The following DYRK4 variants were observed in gnomAD, a reference collection of about 807,000 sequenced individuals.
DYRK4 encodes the protein dual specificity tyrosine-phosphorylation-regulated kinase 4.
In DYRK4, 64 loss-of-function variants were observed where a neutral mutation model predicts 68.3. That is an observed-to-expected ratio of 0.94 (90% CI 0.77 to 1.15). The LOEUF (loss-of-function observed/expected upper bound fraction) is 1.15. Ranked by LOEUF, DYRK4 falls within the 50% of genes most tolerant of loss-of-function variation. The pLI is 0.00. For missense variants in DYRK4, 740 were observed against 764.7 expected, an observed-to-expected ratio of 0.97 and a Z score of 0.38; for synonymous variants, 274 against 289.9, an observed-to-expected ratio of 0.95 and a Z score of 0.56.
At chr12:4,595,858 T>G (rs368835698) in intron 6 of DYRK4, among the ~76,000 whole-genome samples, 1 of 152,036 alleles carries the variant, frequency 6.6e-6, no homozygotes, top group East Asian at 1.9e-4. Context: ...ACTACAATAC[T>G]GGGACTAGAT....
At chr12:4,566,974 C>T (rs1433277141) in intron 1 of DYRK4, among the ~76,000 whole-genome samples, 1 of 152,156 alleles carries the variant, frequency 6.6e-6, no homozygotes, top group Non-Finnish European at 1.5e-5. Flanking sequence ...ACATGTTCTA[C>T]TGTTTTTGCT....
At chr12:4,596,923 A>T in intron 8 of DYRK4, 194 bp downstream of exon 8, 1 of 1,430,294 alleles carries the variant, frequency 7.0e-7, no homozygotes, top group East Asian at 2.6e-5. Context: ...TATGCCTGTC[A>T]CCTGCCAGCA....
intron 2 of DYRK4, among the ~76,000 whole-genome samples, chr12:4,584,219 G>C (rs149329030): frequency 6.6e-5 from 10 of 152,168 alleles, no homozygotes; most frequent in Non-Finnish European, 1.0e-4. Context: ...AGGTTTCTGG[G>C]CTCTACTGCT....
At position 4,591,582 on chromosome 12, in the gene DYRK4, C is replaced by T. The variant is rs1338514482; in HGVS notation, c.463+284C>T. 6.0e-5 allele frequency: 22 copies of T among 368,546 alleles called. No homozygotes were observed. In the Admixed American group the frequency reaches 8.9e-4, roughly 15 times the overall value. 22.8% of individuals were successfully genotyped at this position (368,546 alleles called of 1,614,324 possible). On this transcript the variant is annotated intron_variant, in intron 5 of 14. Transcript: ENST00000543431. The surrounding 1 kb of genome is among the most constrained non-coding windows in gnomAD (Gnocchi z 4.1). ...GTCTCATTTGCCTAAGGAGCCCAGA[C>T]ACAAGGCTCCTGTCATTTTATGGAC...
intron 8 of DYRK4, 71 bp downstream of exon 8, chr12:4,596,800 A>G: frequency 1.9e-6 from 3 of 1,594,990 alleles, no homozygotes; most frequent in Non-Finnish European, 2.6e-6. Context: ...TGAGGTCAGA[A>G]CACTAGATTT....
At chr12:4,588,848 A>C (rs1944924197) in intron 2 of DYRK4, 89 bp from the exon 3 acceptor site, 1 of 1,299,766 alleles carries the variant, frequency 7.7e-7, no homozygotes, top group Admixed American at 2.0e-5. Flanking sequence ...GGCCTCAAGC[A>C]TAGTTTGTTT....
intron 2 of DYRK4, chr12:4,573,063 C>G: frequency 3.1e-6 from 1 of 324,864 alleles, no homozygotes; most frequent in Non-Finnish European, 6.0e-6. Flanking sequence ...ATGTGAATTG[C>G]TAGTTCTGTC....
Position 4,590,554 on chromosome 12 carries a change from G to A in DYRK4, c.324+114G>A, listed in dbSNP as rs992128161. ...GGAAAAGCACAGTAGCTGCTGAAGA[G>A]GTGGGTTCTAGTCCTGTTCTCATTC... On this transcript the variant is annotated intron_variant, in intron 4 of 14. Transcript: ENST00000543431. 4.7e-5 allele frequency: 69 copies of A among 1,465,612 alleles called. 1 individual carries two copies. The highest frequency in any genetic ancestry group is 2.4e-4 in the Middle Eastern group (1 of 4,232). The allele number at this position is 1,465,612 out of a possible 1,614,324, so 90.8% of individuals were successfully genotyped here.
rs961038875 is a variant in DYRK4, at chr12:4,591,922, G to C, written c.463+624G>C. On this transcript the variant is annotated intron_variant, in intron 5 of 14. Transcript: ENST00000543431. This position sits in a 1 kb window ranked among gnomAD's most constrained non-coding sequence, Gnocchi z 4.1. ...TGAAGCCTTTGTGGATTGCCTTGTG[G>C]TCAGGCCTGAAAGATTACACATGGG... 6.6e-6 allele frequency: 1 copy of C among 152,270 alleles called. No homozygotes were observed. The highest frequency in any genetic ancestry group is 6.5e-5 in the Admixed American group (1 of 15,288). 9.4% of individuals were successfully genotyped at this position (152,270 alleles called of 1,614,324 possible).
chr12:4,596,142 T>TC lies in DYRK4; in HGVS notation c.628-5dup. 2.5e-6 allele frequency: 4 copies of TC among 1,613,776 alleles called. No individual in the cohort carries two copies. Among genetic ancestry groups the TC allele is most frequent in the Non-Finnish European group, 3.4e-6 (4 of 1,179,756 alleles). On this transcript the variant is annotated splice_polypyrimidine_tract_variant and splice_region_variant and intron_variant, in intron 6 of 14. Transcript: ENST00000543431. ...TTTGCTCTTCACCTCCGGCCTGGCTTCCACAGGTCCTGCATGATCACATTG... is the reference window on the plus strand; with the variant it reads ...TTTGCTCTTCACCTCCGGCCTGGCTTCCCACAGGTCCTGCATGATCACATTG...
At chr12:4,602,072 C>T in intron 10 of DYRK4, 1 of 416,272 alleles carries the variant, frequency 2.4e-6, no homozygotes. Flanking sequence ...GCATCTTTCT[C>T]AAGGGTAGTT....
At chr12:4,599,836 C>T (rs755142993) in intron 10 of DYRK4, 48 bp downstream of exon 10, 8 of 1,527,844 alleles carry the variant, frequency 5.2e-6, no homozygotes, top group Non-Finnish European at 7.2e-6. Context: ...ATTGCAATTT[C>T]TCTCCCTTCA....
intron 2 of DYRK4, among the ~76,000 whole-genome samples, chr12:4,586,524 T>C (rs984143034): frequency 1.3e-5 from 2 of 152,054 alleles, no homozygotes; most frequent in African/African-American, 4.8e-5. Flanking sequence ...GAATTAAGTG[T>C]TTTTATGGGG....
chr12:4,607,914 T>G (rs934696731), intron 12 of DYRK4, among the ~76,000 whole-genome samples: 2 of 152,212 alleles, frequency 1.3e-5, no homozygotes, highest in Admixed American at 6.5e-5. Flanking sequence ...TTGTGGCTGG[T>G]AGTTATGTAC....
rs192329333 is a variant in DYRK4, at chr12:4,596,752, C to G, written c.905+23C>G. Reference sequence around the variant, plus strand: ...GGGGTCAGCTGCCTTTTCTTCTTAACTCATTTTCTCTGGAAAAGTTACCTA... The same window carrying G: ...GGGGTCAGCTGCCTTTTCTTCTTAAGTCATTTTCTCTGGAAAAGTTACCTA... On this transcript the variant is annotated intron_variant, in intron 8 of 14. Transcript: ENST00000543431. 75 of 1,611,342 alleles carry G rather than the reference C, an allele frequency of 4.7e-5. No individual in the cohort carries two copies. The African/African-American group carries it at 9.9e-4, about 21-fold the overall frequency.
At chr12:4,612,395 G>A in intron 13 of DYRK4, 148 bp from the exon 14 acceptor site, 5 of 814,120 alleles carry the variant, frequency 6.1e-6, no homozygotes, top group Non-Finnish European at 9.1e-6. Flanking sequence ...GTACTTTTAA[G>A]TTATATGCCA....
At chr12:4,589,293 T>C (rs555907489) in intron 3 of DYRK4, among the ~76,000 whole-genome samples, 5 of 152,330 alleles carry the variant, frequency 3.3e-5, no homozygotes, top group Admixed American at 3.3e-4. Context: ...AGATATGCAA[T>C]GTGTAATAAT....
At chr12:4,606,293 G>GCTGGCTATCTAT (rs149226177) in intron 11 of DYRK4, among the ~76,000 whole-genome samples, 43 of 151,034 alleles carry the variant, frequency 2.8e-4, no homozygotes, top group African/African-American at 1.0e-3. Flanking sequence ...TGGCTGGCTG[G>GCTGGCTATCTAT]CTATCTATCT....
At position 4,567,944 on chromosome 12, in the gene DYRK4, C is replaced by A. The variant is rs1355239663; in HGVS notation, c.39-11C>A. The A allele has an allele frequency of 1.3e-6, 2 of 1,534,650 alleles. No homozygotes were observed. Among genetic ancestry groups the A allele is most frequent in the Admixed American group, 2.0e-5 (1 of 50,962 alleles). On this transcript the variant is annotated splice_polypyrimidine_tract_variant and intron_variant, in intron 1 of 14. Transcript: ENST00000543431. ...CTCCTGCCAATTTATTTTTTACTTT[C>A]CCTCATGCAGGACTCAAATGGATGC...
Sources: gnomAD v4.1 joint callset for allele counts (sites outside exome capture counted in the v4.1 genomes callset) on GRCh38, gnomAD v4.1.1 for gene constraint, Gnocchi (gnomAD v3.1) non-coding constraint, MANE v1.5 for transcripts, NCBI Gene and HGNC (gene_info 2026-07-23, HGNC 2026-07-21) for gene names.